The following CHN2 variants were observed in gnomAD, a reference collection of about 807,000 sequenced individuals.
CHN2 encodes the protein chimerin 2.
In CHN2, 35 loss-of-function variants were observed where a neutral mutation model predicts 56.3. The observed-to-expected ratio is 0.62, with a 90% CI of 0.47 to 0.82. The LOEUF is 0.82. CHN2 is among the 40% of genes least tolerant of loss of function. The pLI is 0.00. For synonymous variants in CHN2, 210 were observed against 212.8 expected, an observed-to-expected ratio of 0.99 and a Z score of 0.12; for missense variants, 491 against 580.5, an observed-to-expected ratio of 0.85 and a Z score of 1.58.
intron 1 of CHN2, among the ~76,000 whole-genome samples, chr7:29,276,291 A>G (rs1791213696): frequency 6.6e-6 from 1 of 152,132 alleles, no homozygotes; most frequent in South Asian, 2.1e-4. Flanking sequence ...AACCCAGGAG[A>G]AGAGCCCTGG....
At position 29,512,733 on chromosome 7, in the gene CHN2, T is replaced by TAATCCATCAGGGA. The variant is rs1387463558; in HGVS notation, c.*2_*14dup. 42 of 1,613,718 alleles carry TAATCCATCAGGGA rather than the reference T, an allele frequency of 2.6e-5. No individual in the cohort carries two copies. Among genetic ancestry groups the TAATCCATCAGGGA allele is most frequent in the Non-Finnish European group, 3.5e-5 (41 of 1,179,904 alleles). On this transcript the variant is annotated frameshift_variant and stop_retained_variant, in exon 13 of 13. Coordinates refer to ENST00000222792, the MANE Select transcript of CHN2 (RefSeq NM_004067.4). LOFTEE classifies it high-confidence loss of function. ...AATAGAAAACGAAGACGTTTTATTC[T>TAATCCATCAGGGA]AATCCATCAGGGAAATGAGCTGAAT...
At chr7:29,384,576 A>G (rs1455472039) in intron 3 of CHN2, among the ~76,000 whole-genome samples, 1 of 152,228 alleles carries the variant, frequency 6.6e-6, no homozygotes, top group Non-Finnish European at 1.5e-5. Flanking sequence ...GGTGAAGATC[A>G]GAACCAGTAG....
chr7:29,504,611 G>A (rs1790352348), intron 9 of CHN2, 133 bp from the exon 10 acceptor site: 1 of 605,150 alleles, frequency 1.7e-6, no homozygotes, highest in Non-Finnish European at 2.9e-6. Context: ...ATGCAACAGT[G>A]TGTGATAAAT....
chr7:29,343,830 G>A (rs941643509), intron 1 of CHN2, among the ~76,000 whole-genome samples: 12 of 151,858 alleles, frequency 7.9e-5, no homozygotes, highest in African/African-American at 2.9e-4. Context: ...GTATGCTGGG[G>A]TTTCCATTCC....
intron 1 of CHN2, among the ~76,000 whole-genome samples, chr7:29,292,344 A>G (rs1253062373): frequency 3.3e-5 from 5 of 152,230 alleles, no homozygotes; most frequent in Non-Finnish European, 7.3e-5. Flanking sequence ...AGAGCTTATA[A>G]TGGAACTCAG....
At chr7:29,354,505 A>G in intron 1 of CHN2, 120 bp from the exon 2 acceptor site, 1 of 811,190 alleles carries the variant, frequency 1.2e-6, no homozygotes, top group Non-Finnish European at 2.0e-6. Context: ...ATGAGAAGAG[A>G]GTCCCCCTGA....
At chr7:29,194,230 C>T (rs1427412642), upstream of CHN2, 6 of 150,734 alleles carry the variant, frequency 4.0e-5, no homozygotes, top group African/African-American at 4.9e-5. Flanking sequence ...CTAGGAGCAG[C>T]GCTGCGCGCA....
At chr7:29,492,500 A>G (rs1042056567) in intron 7 of CHN2, among the ~76,000 whole-genome samples, 3 of 151,458 alleles carry the variant, frequency 2.0e-5, no homozygotes, top group African/African-American at 7.3e-5. Context: ...TCATTTCTCA[A>G]CTTCTGAGGA....
chr7:29,482,806 T>C (rs1251627399), intron 7 of CHN2, among the ~76,000 whole-genome samples: 1 of 17,760 alleles, frequency 5.6e-5, no homozygotes, highest in South Asian at 3.3e-3. Context: ...TCTTTTTTTT[T>C]TTTTTTTTTT....
intron 2 of CHN2, among the ~76,000 whole-genome samples, chr7:29,173,668 A>T (rs1584552351): frequency 6.6e-6 from 1 of 151,844 alleles, no homozygotes; most frequent in African/African-American, 2.4e-5. Flanking sequence ...GTAAGAAGAA[A>T]TATTTTTTTA....
chr7:29,510,897 G>A (rs535207392), intron 12 of CHN2, among the ~76,000 whole-genome samples: 199 of 152,248 alleles, frequency 1.3e-3, no homozygotes, highest in Middle Eastern at 3.4e-3. Context: ...GGAGACGTCT[G>A]GATGTTTATG....
chr7:29,291,244 A>AGCTGCT (rs528163710), intron 1 of CHN2, among the ~76,000 whole-genome samples: 116 of 152,276 alleles, frequency 7.6e-4, no homozygotes, highest in African/African-American at 2.7e-3. Context: ...ACTGAGAAGC[A>AGCTGCT]GCTGATCACC....
intron 1 of CHN2, among the ~76,000 whole-genome samples, chr7:29,280,740 C>T (rs929675083): frequency 1.7e-4 from 26 of 152,288 alleles, no homozygotes; most frequent in Non-Finnish European, 2.9e-4. Flanking sequence ...TGCAAGTCGC[C>T]TACCTTCCTC....
At chr7:29,233,232 A>T (rs1173579880) in intron 1 of CHN2, among the ~76,000 whole-genome samples, 1 of 152,162 alleles carries the variant, frequency 6.6e-6, no homozygotes, top group Non-Finnish European at 1.5e-5. Flanking sequence ...ATATCACCTA[A>T]CTCCTAGGCT....
intron 4 of CHN2, among the ~76,000 whole-genome samples, chr7:29,394,574 TC>T (rs1287083628): frequency 2.0e-5 from 3 of 152,220 alleles, no homozygotes; most frequent in African/African-American, 4.8e-5. Context: ...CAGCTGCATT[TC>T]AGAACCTTCC....
chr7:29,195,066 A>T (rs1783498105), intron 1 of CHN2, 76 bp downstream of exon 1: 3 of 1,462,374 alleles, frequency 2.1e-6, no homozygotes, highest in Non-Finnish European at 2.8e-6. Flanking sequence ...CCTGGGATGG[A>T]CAGAGCCTAC....
chr7:29,208,090 T>C (rs1445542572), intron 1 of CHN2, among the ~76,000 whole-genome samples: 1 of 152,198 alleles, frequency 6.6e-6, no homozygotes, highest in Non-Finnish European at 1.5e-5. Flanking sequence ...CTCCCAAGTA[T>C]AGAGACTCCT....
At chr7:29,467,046 A>C (rs894528595) in intron 6 of CHN2, among the ~76,000 whole-genome samples, 1 of 152,140 alleles carries the variant, frequency 6.6e-6, no homozygotes, top group African/African-American at 2.4e-5. Flanking sequence ...TTTATGAAGC[A>C]TATTAAAGCC....
At chr7:29,236,044 C>T (rs1266890308) in intron 1 of CHN2, among the ~76,000 whole-genome samples, 2 of 152,102 alleles carry the variant, frequency 1.3e-5, no homozygotes, top group Non-Finnish European at 2.9e-5. Flanking sequence ...AAATAAAAGT[C>T]GGACAGGAAA....
Sources: gnomAD v4.1 joint callset for allele counts (sites outside exome capture counted in the v4.1 genomes callset) on GRCh38, gnomAD v4.1.1 for gene constraint, MANE v1.5 for transcripts, NCBI Gene and HGNC (gene_info 2026-07-23, HGNC 2026-07-21) for gene names.